The following SDCBP2 variants were observed in gnomAD, a reference collection of about 807,000 sequenced individuals.
The protein encoded by SDCBP2 is syntenin-2.
A neutral mutation model predicts 30.7 loss-of-function variants in SDCBP2; 28 were observed. The observed-to-expected ratio is 0.91, with a 90% CI of 0.68 to 1.25. The LOEUF is 1.25. Among genes scored for constraint, SDCBP2 ranks in the 50% most tolerant of loss-of-function variants. SDCBP2 has a pLI of 0.00. For synonymous variants in SDCBP2, 166 were observed against 157.3 expected (o/e 1.06, Z -0.41); for missense variants, 399 against 379.0 (o/e 1.05, Z -0.44).
intron 3 of SDCBP2, chr20:1,319,386 C>T (rs972528486): frequency 1.7e-5 from 10 of 584,744 alleles, no homozygotes; most frequent in Non-Finnish European, 3.1e-5. Flanking sequence ...AGCATGGGCA[C>T]AGGCTCTGGG....
chr20:1,329,085 C>G lies in SDCBP2; in HGVS notation c.-20G>C, dbSNP rs925771632. On this transcript the variant is annotated splice_region_variant and 5_prime_UTR_variant, in exon 1 of 9. Transcript: ENST00000360779. This position sits in a 1 kb window ranked among gnomAD's most constrained non-coding sequence, Gnocchi z 4.3. ...TTGGGTCAGGGCCCCCAGCGCTTAC[C>G]TGCAGGCAAGGTGCTGCTCCACGAC... 3 of 152,390 alleles carry G rather than the reference C, an allele frequency of 2.0e-5. No individual in the cohort carries two copies. The highest frequency in any genetic ancestry group is 1.3e-4 in the Admixed American group (2 of 15,290). The allele number at this position is 152,390 out of a possible 1,614,324, so 9.4% of individuals were successfully genotyped here.
Position 1,310,313 on chromosome 20 carries a change from G to T in SDCBP2, c.*128C>A. 1.1e-6 allele frequency: 1 copy of T among 924,382 alleles called. No individual in the cohort carries two copies. Among genetic ancestry groups the T allele is most frequent in the Non-Finnish European group, 1.7e-6 (1 of 586,018 alleles). The allele number at this position is 924,382 out of a possible 1,614,324, so 57.3% of individuals were successfully genotyped here. ...AAGCCATCCCATGGTCACCCTCCTG[G>T]ACACGCCCCCCTCATGGCAGCCCCC... On this transcript the variant is annotated 3_prime_UTR_variant, in exon 9 of 9. Coordinates refer to ENST00000360779, the MANE Select transcript of SDCBP2 (RefSeq NM_080489.5).
intron 8 of SDCBP2, 77 bp downstream of exon 8, chr20:1,310,723 G>T: frequency 7.6e-7 from 1 of 1,323,722 alleles, no homozygotes; most frequent in East Asian, 2.3e-5. Flanking sequence ...GGCTGAGCCA[G>T]GTGCACCTGG....
At chr20:1,312,067 T>C (rs1474465462) in intron 7 of SDCBP2, among the ~76,000 whole-genome samples, 1 of 10,620 alleles carries the variant, frequency 9.4e-5, no homozygotes, top group Non-Finnish European at 8.0e-4. Flanking sequence ...GCTTGGCTAA[T>C]TTTTTAGTTT....
chr20:1,323,774 C>G (rs2088879998), intron 1 of SDCBP2: 1 of 152,152 alleles, frequency 6.6e-6, no homozygotes, highest in Non-Finnish European at 1.5e-5. Context: ...ATACCTAATG[C>G]AATGTAAATG....
chr20:1,328,807 TCTC>T (rs1286055853), intron 1 of SDCBP2, among the ~76,000 whole-genome samples: 1 of 146,970 alleles, frequency 6.8e-6, no homozygotes, highest in Admixed American at 6.7e-5. Flanking sequence ...GTGGATCTCA[TCTC>T]CTTGAGCACA....
chr20:1,326,846 C>T (rs1769804304), intron 1 of SDCBP2, among the ~76,000 whole-genome samples: 1 of 152,192 alleles, frequency 6.6e-6, no homozygotes, highest in Admixed American at 6.5e-5. Flanking sequence ...ACAGGCATCC[C>T]ATTACTATTT....
In SDCBP2 at chr20:1,310,804, T is replaced by C. The variant is rs2088653470; in HGVS notation, c.820A>G (p.Lys274Glu). 6.2e-7 allele frequency: 1 copy of C among 1,612,346 alleles called. No individual in the cohort carries two copies. Among genetic ancestry groups the C allele is most frequent in the Admixed American group, 1.7e-5 (1 of 59,960 alleles). ...IPSVIYEHMV[K>E]KLPPVLLHHT... is the part of the protein sequence containing the mutation. ...TGAGGAGGGGTGCAGCCTTACTTTT[T>C]GACCATGTGCTCGTAGATCACACTG... The change falls in exon 8 of 9, where the codon AAA (lysine) becomes GAA (glutamate). Residue 274 changes from lysine (K) to glutamate (E), a missense_variant. Transcript: ENST00000360779.
Position 1,310,317 on chromosome 20 carries a change from C to T in SDCBP2, c.*124G>A, listed in dbSNP as rs543126916. 1.9e-4 allele frequency: 179 copies of T among 961,754 alleles called. 1 individual carries two copies. The highest frequency in any genetic ancestry group is 3.0e-4 in the Admixed American group (15 of 49,838). 59.6% of individuals were successfully genotyped at this position (961,754 alleles called of 1,614,324 possible). On this transcript the variant is annotated 3_prime_UTR_variant, in exon 9 of 9. Coordinates refer to ENST00000360779, the MANE Select transcript of SDCBP2 (RefSeq NM_080489.5). Reference sequence around the variant, plus strand: ...CATCCCATGGTCACCCTCCTGGACACGCCCCCCTCATGGCAGCCCCCACCT... The same window carrying T: ...CATCCCATGGTCACCCTCCTGGACATGCCCCCCTCATGGCAGCCCCCACCT...
chr20:1,310,918 C>A, intron 7 of SDCBP2, 27 bp from the exon 8 acceptor site: 4 of 1,580,238 alleles, frequency 2.5e-6, no homozygotes, highest in Non-Finnish European at 3.5e-6. Flanking sequence ...TAAGCGATCA[C>A]CCTAAGGATT....
At position 1,313,988 on chromosome 20, in the gene SDCBP2, GGGA is replaced by G. The variant is rs2088729842; in HGVS notation, c.226-493_226-491del. On this transcript the variant is annotated intron_variant, in intron 4 of 8. Transcript: ENST00000360779. The surrounding 1 kb of genome is among the most constrained non-coding windows in gnomAD (Gnocchi z 5.2). ...CCAGCACAGTAGGCAAGAAAAGAGGGGGAGTCACACAGATCAGAAGAGAAGAAA... is the reference window on the plus strand; with the variant it reads ...CCAGCACAGTAGGCAAGAAAAGAGGGGTCACACAGATCAGAAGAGAAGAAA... Among the ~76,000 whole-genome samples the G allele has an allele frequency of 6.6e-6, 1 of 152,246 alleles. No homozygotes were observed. Among genetic ancestry groups the G allele is most frequent in the South Asian group, 2.1e-4 (1 of 4,824 alleles).
chr20:1,312,633 C>A lies in SDCBP2; in HGVS notation c.514G>T (p.Val172Leu). The A allele has an allele frequency of 6.2e-7, 1 of 1,614,184 alleles. No homozygotes were observed. The highest frequency in any genetic ancestry group is 8.5e-7 in the Non-Finnish European group (1 of 1,180,020). Residue 172 changes from valine to leucine, a missense_variant, in exon 6 of 9, where the codon GTG becomes TTG. Physicochemically the swap from Val to Leu is conservative, Grantham distance 32. Coordinates refer to ENST00000360779, the MANE Select transcript of SDCBP2 (RefSeq NM_080489.5). Reference sequence around the variant, plus strand: ...ATCTTATCGCCTGATGCCTTCTTCACCACCTGATGGGCTTTGTGCGAGCTC... The same window carrying A: ...ATCTTATCGCCTGATGCCTTCTTCAACACCTGATGGGCTTTGTGCGAGCTC... ...GWSSHKAHQVVKKASGDKIVV... is the reference protein window; with the variant it reads ...GWSSHKAHQVLKKASGDKIVV...
intron 3 of SDCBP2, among the ~76,000 whole-genome samples, chr20:1,318,824 C>G (rs1363076615): frequency 6.6e-6 from 1 of 152,184 alleles, no homozygotes; most frequent in African/African-American, 2.4e-5. Flanking sequence ...CGTTTTCTCT[C>G]TCTCTTTTAA....
Position 1,313,927 on chromosome 20 carries a change from T to C in SDCBP2, c.226-429A>G, listed in dbSNP as rs1359938565. 2.6e-5 allele frequency among the ~76,000 whole-genome samples: 4 copies of C among 152,034 alleles called. No homozygotes were observed. Among genetic ancestry groups the C allele is most frequent in the African/African-American group, 7.2e-5 (3 of 41,380 alleles). On this transcript the variant is annotated intron_variant, in intron 4 of 8. Transcript: ENST00000360779. The surrounding 1 kb of genome is among the most constrained non-coding windows in gnomAD (Gnocchi z 5.2). ...CAGAAAAAGGCAAGGAACTTCACTC[T>C]CCCAACACTATTAAAGATGGTACTG...
At chr20:1,314,488 C>CAAAAAA (rs57936330) in intron 4 of SDCBP2, among the ~76,000 whole-genome samples, 62 of 53,950 alleles carry the variant, frequency 1.1e-3, no homozygotes, top group South Asian at 2.0e-3. Flanking sequence ...GACTCCACCT[C>CAAAAAA]AAAAAAAAAA....
Position 1,318,326 on chromosome 20 carries a change from C to T in SDCBP2, c.217G>A (p.Gly73Ser). Residue 73 changes from glycine to serine, a missense_variant, in exon 4 of 9, where the codon GGT (glycine) becomes AGT (serine). Coordinates refer to ENST00000360779, the MANE Select transcript of SDCBP2 (RefSeq NM_080489.5). ...AGAAGCCAAATACATACACTGTCACCCTCTGGAATCTGAAGCAGGCTCTCC... is the reference window on the plus strand; with the variant it reads ...AGAAGCCAAATACATACACTGTCACTCTCTGGAATCTGAAGCAGGCTCTCC... ...VQESLLQIPE[G>S]DSTAVSGPGP... 6.2e-7 allele frequency: 1 copy of T among 1,612,048 alleles called. No homozygotes were observed. The highest frequency in any genetic ancestry group is 8.5e-7 in the Non-Finnish European group (1 of 1,178,186).
Position 1,310,354 on chromosome 20 carries a change from C to T in SDCBP2, c.*87G>A. 5.8e-6 allele frequency: 8 copies of T among 1,388,234 alleles called. No homozygotes were observed. Among genetic ancestry groups the T allele is most frequent in the Non-Finnish European group, 8.1e-6 (8 of 986,044 alleles). 86.0% of individuals were successfully genotyped at this position (1,388,234 alleles called of 1,614,324 possible). A position where few individuals can be genotyped will look rare whatever the true frequency, so the allele number is the denominator to read the frequency against. On this transcript the variant is annotated 3_prime_UTR_variant, in exon 9 of 9. Coordinates refer to ENST00000360779, the MANE Select transcript of SDCBP2 (RefSeq NM_080489.5). ...GGCAGCCCCCACCTTAAGCAGCAGG[C>T]CGGCTGCAACCCATCATCCGAGGGT...
At chr20:1,316,492 C>A (rs1262650327) in intron 4 of SDCBP2, among the ~76,000 whole-genome samples, 2 of 152,150 alleles carry the variant, frequency 1.3e-5, no homozygotes, top group Non-Finnish European at 1.5e-5. Context: ...TGGGCTCAAG[C>A]AATCCTCCTG....
At chr20:1,316,648 C>T (rs1600279924) in intron 4 of SDCBP2, among the ~76,000 whole-genome samples, 1 of 152,130 alleles carries the variant, frequency 6.6e-6, no homozygotes, top group East Asian at 1.9e-4. Context: ...TCTCAGCTTC[C>T]CAAAGTACTG....
Sources: gnomAD v4.1 joint callset for allele counts (sites outside exome capture counted in the v4.1 genomes callset) on GRCh38, gnomAD v4.1.1 for gene constraint, Gnocchi (gnomAD v3.1) non-coding constraint, MANE v1.5 for transcripts, NCBI Gene and HGNC (gene_info 2026-07-23, HGNC 2026-07-21) for gene names.